TATDN1: variants seen among roughly 807,000 people sequenced by gnomAD.
The protein encoded by TATDN1 is TatD DNase domain containing 1.
In TATDN1, 40 loss-of-function variants were observed where a neutral mutation model predicts 46.4. The ratio of observed to expected loss-of-function variants is 0.86; its 90% confidence interval spans 0.67 to 1.12. TATDN1 has a LOEUF of 1.12. Among genes scored for constraint, TATDN1 ranks in the 50% most tolerant of loss-of-function variants. The pLI is 0.00. For synonymous variants in TATDN1, 95 were observed against 105.6 expected (o/e 0.90, Z 0.62); for missense variants, 326 against 348.4 (o/e 0.94, Z 0.51).
chr8:124,513,825 C>T (rs960848411), intron 6 of TATDN1, among the ~76,000 whole-genome samples: 3 of 152,124 alleles, frequency 2.0e-5, no homozygotes, highest in East Asian at 3.8e-4. Context: ...CTGACCAAAA[C>T]CAGACATGAA....
chr8:124,509,809 C>A (rs996739040), intron 6 of TATDN1, among the ~76,000 whole-genome samples: 1 of 152,036 alleles, frequency 6.6e-6, no homozygotes, highest in Admixed American at 6.5e-5. Context: ...GAGGCCAAGG[C>A]GGGTGGATCA....
At chr8:124,537,087 A>G (rs1821493605) in intron 1 of TATDN1, among the ~76,000 whole-genome samples, 1 of 152,174 alleles carries the variant, frequency 6.6e-6, no homozygotes, top group Non-Finnish European at 1.5e-5. Context: ...TTCTTTAAGA[A>G]GTCTTTTCTT....
intron 11 of TATDN1, among the ~76,000 whole-genome samples, chr8:124,491,872 G>A (rs1051802829): frequency 4.6e-5 from 7 of 151,914 alleles, no homozygotes; most frequent in African/African-American, 1.7e-4. Context: ...AGAGGATTGT[G>A]TATTTTTTAA....
At chr8:124,524,173 C>A (rs573508733) in intron 1 of TATDN1, among the ~76,000 whole-genome samples, 4 of 152,108 alleles carry the variant, frequency 2.6e-5, no homozygotes, top group Non-Finnish European at 4.4e-5. Context: ...ATAAGACACA[C>A]CTTGAAAGTG....
intron 1 of TATDN1, among the ~76,000 whole-genome samples, chr8:124,524,575 GGTCT>G (rs1820322250): frequency 6.6e-6 from 1 of 152,088 alleles, no homozygotes; most frequent in South Asian, 2.1e-4. Flanking sequence ...AAACAGAAAT[GGTCT>G]GTATCTCTTC....
intron 9 of TATDN1, 137 bp from the exon 10 acceptor site, chr8:124,495,679 TTTGC>T: frequency 1.6e-6 from 1 of 628,486 alleles, no homozygotes; most frequent in Non-Finnish European, 2.7e-6. Flanking sequence ...TTGGAAAGTA[TTTGC>T]ACACCTCCAT....
chr8:124,501,197 C>T (rs995635882), intron 9 of TATDN1, among the ~76,000 whole-genome samples: 2 of 152,214 alleles, frequency 1.3e-5, no homozygotes, highest in Non-Finnish European at 2.9e-5. Context: ...TCTAACCCAT[C>T]CTGCTCCAAA....
intron 4 of TATDN1, among the ~76,000 whole-genome samples, chr8:124,516,354 G>C (rs955233360): frequency 6.6e-6 from 1 of 151,580 alleles, no homozygotes; most frequent in Non-Finnish European, 1.5e-5. Context: ...CCAGGCTGGA[G>C]TGCAGTGGTG....
At chr8:124,523,191 C>A in intron 1 of TATDN1, 189 bp from the exon 2 acceptor site, 1 of 571,620 alleles carries the variant, frequency 1.7e-6, no homozygotes, top group Non-Finnish European at 3.1e-6. Context: ...ATAATTCCTG[C>A]TTTCAAGAAA....
At chr8:124,530,366 A>T (rs1820852702) in intron 1 of TATDN1, among the ~76,000 whole-genome samples, 1 of 152,214 alleles carries the variant, frequency 6.6e-6, no homozygotes, top group Non-Finnish European at 1.5e-5. Context: ...CCAGCAATCC[A>T]ATAGGTTTCC....
intron 1 of TATDN1, among the ~76,000 whole-genome samples, chr8:124,535,639 A>C (rs1340941518): frequency 1.3e-5 from 2 of 152,234 alleles, no homozygotes; most frequent in African/African-American, 4.8e-5. Context: ...CCTACAGAAG[A>C]TCTGGAAAGA....
intron 1 of TATDN1, among the ~76,000 whole-genome samples, chr8:124,538,687 G>A (rs1821719126): frequency 6.6e-6 from 1 of 152,218 alleles, no homozygotes; most frequent in Admixed American, 6.5e-5. Context: ...GGGAAGGGCC[G>A]GGAGGTGCAC....
At chr8:124,490,055 C>G (rs1451025525) in intron 11 of TATDN1, 1 of 152,212 alleles carries the variant, frequency 6.6e-6, no homozygotes, top group Non-Finnish European at 1.5e-5. Context: ...TAAATTAAGA[C>G]AGTGAAAATC....
chr8:124,520,942 C>CAAA (rs1162309758), intron 3 of TATDN1, among the ~76,000 whole-genome samples: 10 of 82,232 alleles, frequency 1.2e-4, no homozygotes, highest in Non-Finnish European at 1.8e-4. Context: ...GACTCCGTCT[C>CAAA]AAAAAAAAAA....
At chr8:124,515,093 AAT>A (rs1819348507) in intron 6 of TATDN1, among the ~76,000 whole-genome samples, 1 of 152,144 alleles carries the variant, frequency 6.6e-6, no homozygotes, top group Admixed American at 6.5e-5. Flanking sequence ...CCTGGCTTGT[AAT>A]ACACTTTTAA....
chr8:124,535,072 C>T (rs1337695050), intron 1 of TATDN1, among the ~76,000 whole-genome samples: 4 of 152,194 alleles, frequency 2.6e-5, no homozygotes, highest in Admixed American at 2.6e-4. Flanking sequence ...TCCCCTTCCC[C>T]AGAAGTGGGA....
At chr8:124,490,686 G>T (rs1253757797) in intron 11 of TATDN1, among the ~76,000 whole-genome samples, 1 of 151,560 alleles carries the variant, frequency 6.6e-6, no homozygotes, top group Non-Finnish European at 1.5e-5. Flanking sequence ...ATATAAAGTT[G>T]TTTAATGTCC....
In TATDN1 at chr8:124,520,102, C is replaced by T. The variant is rs992060018; in HGVS notation, c.139-1221G>A. On this transcript the variant is annotated intron_variant, in intron 3 of 11. Transcript: ENST00000276692. ...ATGATTAGCTATTGCATATCCATTC[C>T]GGAAACATAGCCATAATTAAATCCT... Among the ~76,000 whole-genome samples the T allele has an allele frequency of 8.5e-5, 13 of 152,186 alleles. No homozygotes were observed. In the East Asian group the frequency reaches 1.3e-3, roughly 16 times the overall value.
intron 1 of TATDN1, among the ~76,000 whole-genome samples, chr8:124,524,373 A>T (rs1018478172): frequency 1.3e-5 from 2 of 152,222 alleles, no homozygotes; most frequent in African/African-American, 4.8e-5. Context: ...TATACATACA[A>T]TATAGAAGTT....
Sources: gnomAD v4.1 joint callset for allele counts (sites outside exome capture counted in the v4.1 genomes callset) on GRCh38, gnomAD v4.1.1 for gene constraint, MANE v1.5 for transcripts, NCBI Gene and HGNC (gene_info 2026-07-23, HGNC 2026-07-21) for gene names.